The following GABRG3 variants were observed in gnomAD, a reference collection of about 807,000 sequenced individuals.
GABRG3 encodes gamma-aminobutyric acid type A receptor subunit gamma3.
In GABRG3, 25 loss-of-function variants were observed where a neutral mutation model predicts 48.8. That is an observed-to-expected ratio of 0.51 (90% CI 0.37 to 0.72). The LOEUF (loss-of-function observed/expected upper bound fraction) is 0.72. Ranked by LOEUF, GABRG3 falls within the 30% of genes least tolerant of loss-of-function variation. GABRG3 has a pLI of 0.00. For synonymous variants in GABRG3, 227 were observed against 217.6 expected (o/e 1.04, Z -0.38); for missense variants, 394 against 577.9 (o/e 0.68, Z 3.26).
intron 2 of GABRG3, among the ~76,000 whole-genome samples, chr15:27,018,403 G>T (rs111627489): frequency 2.6e-5 from 4 of 152,244 alleles, no homozygotes; most frequent in African/African-American, 7.2e-5. Flanking sequence ...AATTCTCAAG[G>T]TCTTTTAATA....
chr15:27,198,020 GTCTA>G lies in GABRG3; in HGVS notation c.271-128783_271-128780del, dbSNP rs200261560. Among the ~76,000 whole-genome samples the G allele has an allele frequency of 9.8e-4, 149 of 152,182 alleles. 1 individual carries two copies. In the East Asian group the frequency reaches 0.025, roughly 26 times the overall value. On this transcript the variant is annotated intron_variant, in intron 3 of 9. Transcript: ENST00000615808. The stretch of plus-strand genomic sequence containing the variant: ...TTCATCTTTATTAGTCTGGCTAGCG[GTCTA>G]TCTATTTTGTCAATCTTTTCAAAAA...
At chr15:27,206,814 G>A (rs12594801) in intron 3 of GABRG3, among the ~76,000 whole-genome samples, 89,458 of 151,892 alleles carry the variant, frequency 0.59, 26,958 homozygotes, top group East Asian at 0.81. Flanking sequence ...ATATCCTTCT[G>A]TGTCCTTTTG....
chr15:27,077,020 C>T (rs1896921648), intron 3 of GABRG3, among the ~76,000 whole-genome samples: 1 of 152,182 alleles, frequency 6.6e-6, no homozygotes, highest in African/African-American at 2.4e-5. Flanking sequence ...CCCGAGGCTG[C>T]CCTCTGATGA....
intron 5 of GABRG3, among the ~76,000 whole-genome samples, chr15:27,418,327 C>A (rs1241792023): frequency 2.6e-5 from 4 of 152,212 alleles, no homozygotes; most frequent in Non-Finnish European, 5.9e-5. Flanking sequence ...CACTAAGAGA[C>A]AAAACACAGC....
chr15:27,142,374 C>T (rs903819968), intron 3 of GABRG3, among the ~76,000 whole-genome samples: 8 of 152,074 alleles, frequency 5.3e-5, no homozygotes, highest in African/African-American at 1.9e-4. Flanking sequence ...CAAGGAGGAT[C>T]GAGTCCCATC....
chr15:27,489,450 C>T (rs973039886), intron 6 of GABRG3, among the ~76,000 whole-genome samples: 1 of 152,136 alleles, frequency 6.6e-6, no homozygotes, highest in Non-Finnish European at 1.5e-5. Flanking sequence ...TGAGGAATCA[C>T]CACAGCCTTC....
intron 3 of GABRG3, among the ~76,000 whole-genome samples, chr15:27,246,037 C>CT (rs1165712527): frequency 6.6e-6 from 1 of 152,130 alleles, no homozygotes; most frequent in Non-Finnish European, 1.5e-5. Context: ...ACGCCATGCT[C>CT]TTTTAAACAG....
At chr15:27,109,106 T>G (rs1897500362) in intron 3 of GABRG3, among the ~76,000 whole-genome samples, 1 of 152,198 alleles carries the variant, frequency 6.6e-6, no homozygotes, top group South Asian at 2.1e-4. Flanking sequence ...CACATTTAGA[T>G]TGTTGTAAAT....
At chr15:27,132,140 A>G (rs1897926398) in intron 3 of GABRG3, among the ~76,000 whole-genome samples, 1 of 152,056 alleles carries the variant, frequency 6.6e-6, no homozygotes, top group Non-Finnish European at 1.5e-5. Context: ...AGTTTGATGT[A>G]ATCCAATTTG....
At chr15:27,388,026 GGGA>G (rs1481727709) in intron 5 of GABRG3, among the ~76,000 whole-genome samples, 3 of 117,340 alleles carry the variant, frequency 2.6e-5, no homozygotes, top group East Asian at 2.6e-4. Flanking sequence ...GGAGGAGGGA[GGGA>G]GGAAAGGAAG....
In GABRG3 at chr15:27,129,838, T is replaced by G. The variant is rs184674640; in HGVS notation, c.270+103017T>G. Among the ~76,000 whole-genome samples, 37 of 152,306 alleles carry G rather than the reference T, an allele frequency of 2.4e-4. No homozygotes were observed. The East Asian group carries it at 7.1e-3, about 29-fold the overall frequency. ...CTTACATGTGTTTATTGGCCATTTC[T>G]ATATCTTCTTTGGAGAAATACCTAT... On this transcript the variant is annotated intron_variant, in intron 3 of 9. Transcript: ENST00000615808.
At chr15:27,110,216 A>G (rs1897522613) in intron 3 of GABRG3, among the ~76,000 whole-genome samples, 1 of 152,090 alleles carries the variant, frequency 6.6e-6, no homozygotes. Flanking sequence ...TAGTGTTCCA[A>G]TACATGGCTT....
At chr15:27,465,720 C>T (rs565749773) in intron 5 of GABRG3, among the ~76,000 whole-genome samples, 2 of 152,196 alleles carry the variant, frequency 1.3e-5, no homozygotes, top group African/African-American at 4.8e-5. Context: ...TGCAAATTCA[C>T]CTCTAGGTAG....
intron 3 of GABRG3, among the ~76,000 whole-genome samples, chr15:27,248,074 C>T (rs931661397): frequency 5.3e-5 from 8 of 152,194 alleles, no homozygotes; most frequent in Non-Finnish European, 1.2e-4. Context: ...CTTATTTTTC[C>T]TCCCATTAAC....
At chr15:27,531,728 T>G (rs957136160) in intron 9 of GABRG3, among the ~76,000 whole-genome samples, 2 of 152,242 alleles carry the variant, frequency 1.3e-5, no homozygotes, top group African/African-American at 4.8e-5. Context: ...ACTTCATAGT[T>G]TTTTAGAAGA....
intron 5 of GABRG3, among the ~76,000 whole-genome samples, chr15:27,404,640 T>G (rs1480804715): frequency 6.6e-6 from 1 of 152,128 alleles, no homozygotes; most frequent in African/African-American, 2.4e-5. Context: ...CAGTGGGCGT[T>G]CTCTACTTGG....
chr15:27,209,646 G>C (rs1167954195), intron 3 of GABRG3, among the ~76,000 whole-genome samples: 1 of 152,188 alleles, frequency 6.6e-6, no homozygotes, highest in Non-Finnish European at 1.5e-5. Flanking sequence ...GGGCCTCCCT[G>C]GTCTTATACA....
intron 6 of GABRG3, among the ~76,000 whole-genome samples, chr15:27,484,352 A>T (rs1890170701): frequency 6.6e-6 from 1 of 152,158 alleles, no homozygotes; most frequent in African/African-American, 2.4e-5. Flanking sequence ...GCTTACCGAC[A>T]CTGAGAATAA....
chr15:27,428,770 A>G (rs1178482797), intron 5 of GABRG3, among the ~76,000 whole-genome samples: 1 of 152,334 alleles, frequency 6.6e-6, no homozygotes, highest in East Asian at 1.9e-4. Flanking sequence ...CAAGGAGGGC[A>G]TGTGGTATTA....
Sources: gnomAD v4.1 joint callset for allele counts (sites outside exome capture counted in the v4.1 genomes callset) on GRCh38, gnomAD v4.1.1 for gene constraint, MANE v1.5 for transcripts, NCBI Gene and HGNC (gene_info 2026-07-23, HGNC 2026-07-21) for gene names.